NIF3L1: variants seen among roughly 807,000 people sequenced by gnomAD.
The protein encoded by NIF3L1 is NIF3-like protein 1.
In NIF3L1, 26 loss-of-function variants were observed where a neutral mutation model predicts 35.0. The observed-to-expected ratio is 0.74, with a 90% CI of 0.54 to 1.03. The LOEUF (loss-of-function observed/expected upper bound fraction) is 1.03, where lower values mean the gene tolerates loss of function less well. Ranked by LOEUF, NIF3L1 falls within the 50% of genes least tolerant of loss-of-function variation. The pLI is 0.00. For missense variants in NIF3L1, 449 were observed against 466.3 expected, an observed-to-expected ratio of 0.96 and a Z score of 0.34; for synonymous variants, 157 against 178.9, an observed-to-expected ratio of 0.88 and a Z score of 0.98.
intron 5 of NIF3L1, chr2:200,899,143 A>G (rs7588993): frequency 0.28 from 84,434 of 298,132 alleles, 14,351 homozygotes; most frequent in African/African-American, 0.62. Context: ...AAGGTTGTTG[A>G]AAAAAAAAAA....
At chr2:200,894,596 TG>T (rs2040266257) in intron 3 of NIF3L1, among the ~76,000 whole-genome samples, 1 of 151,614 alleles carries the variant, frequency 6.6e-6, no homozygotes, top group South Asian at 2.1e-4. Flanking sequence ...TTGGTGGAGA[TG>T]GGGTTTCATC....
Position 200,893,402 on chromosome 2 carries a change from C to CA in NIF3L1, c.593_594insA (p.Ala199CysfsTer2), listed in dbSNP as rs761789873. 1.3e-5 allele frequency: 21 copies of CA among 1,613,540 alleles called. No individual in the cohort carries two copies. Among genetic ancestry groups the CA allele is most frequent in the African/African-American group, 5.3e-5 (4 of 74,888 alleles). ...GACGGTGTTTCTGTCACTTCTTTTT[C>CA]TGCTAGGTACAATTTATTTTTCTCT... is the stretch of plus-strand genomic sequence containing the variant. On this transcript the variant is annotated frameshift_variant, in exon 3 of 7. Coordinates refer to ENST00000409020, the MANE Select transcript of NIF3L1 (RefSeq NM_001369441.2). LOFTEE classifies it high-confidence loss of function.
intron 4 of NIF3L1, among the ~76,000 whole-genome samples, chr2:200,896,721 A>G (rs1575135892): frequency 6.6e-6 from 1 of 152,106 alleles, no homozygotes; most frequent in East Asian, 1.9e-4. Flanking sequence ...AGTAGCTGGG[A>G]CTGCAGGCGC....
chr2:200,902,318 A>G (rs1045674739), intron 6 of NIF3L1, among the ~76,000 whole-genome samples: 1 of 152,240 alleles, frequency 6.6e-6, no homozygotes, highest in African/African-American at 2.4e-5. Flanking sequence ...CTGTAATCCC[A>G]GCACTTTGGG....
In NIF3L1 at chr2:200,892,351, C is replaced by G. The variant is rs187469295; in HGVS notation, c.408C>G (p.Gly136=). The G allele has an allele frequency of 6.2e-7, 1 of 1,604,158 alleles. No homozygotes were observed. The highest frequency in any genetic ancestry group is 8.5e-7 in the Non-Finnish European group (1 of 1,175,890). ...CAGCCTATGATGCTGCGCCCCAGGG[C>G]GTCAACAACTGGTTGGCTAAAGGGC... ...PHTAYDAAPQ[G]VNNWLAKGLG... Residue 136 remains glycine (G), a synonymous_variant, in exon 2 of 7, where the codon GGC becomes GGG. Transcript: ENST00000409020.
At chr2:200,890,037 A>G (rs954344768) in intron 1 of NIF3L1, among the ~76,000 whole-genome samples, 2 of 152,172 alleles carry the variant, frequency 1.3e-5, no homozygotes, top group African/African-American at 4.8e-5. Context: ...AAAATGCTGG[A>G]GAATGGAGTA....
intron 1 of NIF3L1, among the ~76,000 whole-genome samples, chr2:200,890,859 C>T (rs1400850636): frequency 6.6e-6 from 1 of 152,192 alleles, no homozygotes; most frequent in Non-Finnish European, 1.5e-5. Flanking sequence ...GTGGCTTCTC[C>T]CTTCTTCTGC....
chr2:200,901,945 TCTA>T (rs1183861454), intron 6 of NIF3L1, among the ~76,000 whole-genome samples: 1 of 152,162 alleles, frequency 6.6e-6, no homozygotes, highest in Non-Finnish European at 1.5e-5. Flanking sequence ...GCTTTTTACT[TCTA>T]CTATTATAGA....
Position 200,896,418 on chromosome 2 carries a change from C to A in NIF3L1, c.727-658C>A, listed in dbSNP as rs1279304645. 2.6e-5 allele frequency among the ~76,000 whole-genome samples: 4 copies of A among 152,132 alleles called. 1 individual carries two copies. The highest frequency in any genetic ancestry group is 2.6e-4 in the Admixed American group (4 of 15,250). ...TCCTGCCACACTGCACTTGACATCA[C>A]CCCTTTTTAAACTCTTTATTTCCCC... On this transcript the variant is annotated intron_variant, in intron 4 of 6. Transcript: ENST00000409020.
chr2:200,892,412 C>A, intron 2 of NIF3L1, 33 bp downstream of exon 2: 1 of 1,502,078 alleles, frequency 6.7e-7, no homozygotes, highest in Non-Finnish European at 8.9e-7. Flanking sequence ...GATATTTTCC[C>A]TGCAAATACT....
intron 6 of NIF3L1, among the ~76,000 whole-genome samples, chr2:200,899,736 C>T (rs1476892905): frequency 1.3e-5 from 2 of 152,142 alleles, no homozygotes; most frequent in African/African-American, 2.4e-5. Flanking sequence ...TCAGATTTCA[C>T]ATCAGTGGGA....
In NIF3L1 at chr2:200,903,526, G is replaced by C; in HGVS notation, c.982G>C (p.Ala328Pro). Residue 328 changes from alanine to proline, a missense_variant, in exon 7 of 7, where the codon GCT (alanine) becomes CCT (proline). Transcript: ENST00000409020. ...GTCCCATCATGATACTTTGGATGCTGCTTCCCAAGGAATAAATGTCATCCT... is the reference window on the plus strand; with the variant it reads ...GTCCCATCATGATACTTTGGATGCTCCTTCCCAAGGAATAAATGTCATCCT... ...EMSHHDTLDA[A>P]SQGINVILCE... 1 of 1,614,026 alleles carries C rather than the reference G, an allele frequency of 6.2e-7. No individual in the cohort carries two copies.
intron 4 of NIF3L1, among the ~76,000 whole-genome samples, chr2:200,895,645 T>C (rs1278721823): frequency 6.6e-6 from 1 of 152,198 alleles, no homozygotes; most frequent in Non-Finnish European, 1.5e-5. Flanking sequence ...AAAATGGCAA[T>C]GAGAGCATAA....
At chr2:200,903,098 C>T (rs2040435181) in intron 6 of NIF3L1, among the ~76,000 whole-genome samples, 1 of 152,182 alleles carries the variant, frequency 6.6e-6, no homozygotes, top group African/African-American at 2.4e-5. Context: ...AGGCCCTGGA[C>T]TGAAGCTATT....
At position 200,900,533 on chromosome 2, in the gene NIF3L1, ACT is replaced by A. The variant is rs544233686; in HGVS notation, c.949+1070_949+1071del. 1.2e-3 allele frequency among the ~76,000 whole-genome samples: 186 copies of A among 151,898 alleles called. 1 individual carries two copies. The highest frequency in any genetic ancestry group is 5.0e-3 in the Admixed American group (76 of 15,256). ...ACACCCACACTTTGTTATATAGCAC[ACT>A]CTCTTACAAAGGCTGCTGCACTCAA... On this transcript the variant is annotated intron_variant, in intron 6 of 6. Coordinates refer to ENST00000409020, the MANE Select transcript of NIF3L1 (RefSeq NM_001369441.2).
At chr2:200,902,279 A>G (rs2040420136) in intron 6 of NIF3L1, among the ~76,000 whole-genome samples, 2 of 152,174 alleles carry the variant, frequency 1.3e-5, no homozygotes, top group African/African-American at 4.8e-5. Context: ...AGAAATTCAG[A>G]ATATTAGGCT....
At chr2:200,893,150 A>C in intron 2 of NIF3L1, 96 bp from the exon 3 acceptor site, 1 of 924,942 alleles carries the variant, frequency 1.1e-6, no homozygotes, top group Middle Eastern at 2.3e-4. Context: ...TCTTTTTAAA[A>C]AGTCATTTCT....
intron 5 of NIF3L1, among the ~76,000 whole-genome samples, chr2:200,897,900 T>A (rs988755239): frequency 6.6e-6 from 1 of 152,170 alleles, no homozygotes; most frequent in Non-Finnish European, 1.5e-5. Context: ...GTACAGCGGT[T>A]ATAGGTGTGG....
intron 4 of NIF3L1, among the ~76,000 whole-genome samples, chr2:200,896,397 G>A (rs1272787039): frequency 6.6e-6 from 1 of 152,024 alleles, no homozygotes; most frequent in Non-Finnish European, 1.5e-5. Context: ...CCTCTGTCCT[G>A]CCACACTGCA....
Sources: allele counts gnomAD v4.1 joint callset (sites outside exome capture counted in the v4.1 genomes callset), GRCh38; gene constraint gnomAD v4.1.1; transcripts MANE v1.5; gene names NCBI Gene and HGNC (gene_info 2026-07-23, HGNC 2026-07-21).